The following EPM2A variants were observed in gnomAD, a reference collection of about 807,000 sequenced individuals.
The protein encoded by EPM2A is EPM2A glucan phosphatase, laforin.
In EPM2A, 21 loss-of-function variants were observed where a neutral mutation model predicts 26.5. The observed-to-expected ratio is 0.79, with a 90% confidence interval of 0.56 to 1.14. The LOEUF (loss-of-function observed/expected upper bound fraction) is 1.14. EPM2A is among the 50% of genes most tolerant of loss of function. The probability of loss-of-function intolerance (pLI) is 0.00; values close to 1 mark genes in which losing one functional copy is unlikely to be tolerated. For synonymous variants in EPM2A, 217 were observed against 177.6 expected, an observed-to-expected ratio of 1.22 and a Z score of -1.76; for missense variants, 458 against 440.8, an observed-to-expected ratio of 1.04 and a Z score of -0.35.
At chr6:145,478,413 A>C (rs1209470033) in intron 4 of EPM2A, among the ~76,000 whole-genome samples, 2 of 151,932 alleles carry the variant, frequency 1.3e-5, no homozygotes, top group Admixed American at 1.3e-4. Flanking sequence ...TCTTCAAATA[A>C]ATAGAAAAGA....
At chr6:145,509,890 G>T (rs1042632043) in intron 2 of EPM2A, among the ~76,000 whole-genome samples, 1 of 151,952 alleles carries the variant, frequency 6.6e-6, no homozygotes, top group Non-Finnish European at 1.5e-5. Flanking sequence ...GATGGAGAAA[G>T]GTCTATCATT....
intron 4 of EPM2A, among the ~76,000 whole-genome samples, chr6:145,449,647 T>C (rs1244895053): frequency 6.6e-6 from 1 of 152,230 alleles, no homozygotes; most frequent in African/African-American, 2.4e-5. Context: ...GAGCAGGTTT[T>C]TTCAGTTTGG....
At chr6:145,716,232 A>G (rs1460141414) in intron 1 of EPM2A, among the ~76,000 whole-genome samples, 1 of 152,230 alleles carries the variant, frequency 6.6e-6, no homozygotes, top group Non-Finnish European at 1.5e-5. Context: ...CCATAGGGAC[A>G]GAAGGCTAAG....
intron 2 of EPM2A, among the ~76,000 whole-genome samples, chr6:145,586,987 T>C (rs1043052160): frequency 6.6e-6 from 1 of 152,176 alleles, no homozygotes; most frequent in Non-Finnish European, 1.5e-5. Context: ...TCAATGACTG[T>C]TGTTAGATTT....
chr6:145,521,150 A>T (rs1408190341), intron 2 of EPM2A, among the ~76,000 whole-genome samples: 1 of 152,158 alleles, frequency 6.6e-6, no homozygotes. Context: ...TCATAATAAT[A>T]CACAAGAAAG....
At chr6:145,528,188 G>T (rs935678249) in intron 2 of EPM2A, among the ~76,000 whole-genome samples, 1 of 152,120 alleles carries the variant, frequency 6.6e-6, no homozygotes, top group Non-Finnish European at 1.5e-5. Context: ...AAAAGTGCAA[G>T]GTGAAGCAGC....
At chr6:145,406,062 A>G (rs1426962771) in intron 4 of EPM2A, among the ~76,000 whole-genome samples, 1 of 151,842 alleles carries the variant, frequency 6.6e-6, no homozygotes. Flanking sequence ...CTCTGTCTTT[A>G]TCTTTTTTAC....
Position 145,658,899 on chromosome 6 carries a change from G to C in EPM2A, c.477-23413C>G, listed in dbSNP as rs895553861. ...TGTGTTTGTAAATATTTGTTCCTTA[G>C]GCTTAGATACTTTTTCATATACCAA... On this transcript the variant is annotated intron_variant, in intron 2 of 3. Transcript: ENST00000367519. Among the ~76,000 whole-genome samples, 6 of 151,976 alleles carry C rather than the reference G, an allele frequency of 3.9e-5. No individual in the cohort carries two copies. In the South Asian group the frequency reaches 6.2e-4, roughly 16 times the overall value.
intron 4 of EPM2A, among the ~76,000 whole-genome samples, chr6:145,487,604 C>T (rs1201162828): frequency 6.6e-6 from 1 of 152,168 alleles, no homozygotes; most frequent in Non-Finnish European, 1.5e-5. Context: ...TGATGTTGAG[C>T]TTCTTTTAAT....
intron 1 of EPM2A, among the ~76,000 whole-genome samples, chr6:145,725,200 C>T (rs1197416821): frequency 6.6e-6 from 1 of 152,120 alleles, no homozygotes; most frequent in East Asian, 1.9e-4. Context: ...TGAAACAATG[C>T]TCAATATCAT....
At chr6:145,531,607 C>T (rs910492613) in intron 2 of EPM2A, among the ~76,000 whole-genome samples, 2 of 152,146 alleles carry the variant, frequency 1.3e-5, no homozygotes, top group Non-Finnish European at 2.9e-5. Context: ...TCCACACGCC[C>T]TCAGATCCTC....
intron 1 of EPM2A, among the ~76,000 whole-genome samples, chr6:145,703,912 A>T (rs754188636): frequency 1.1e-4 from 17 of 152,236 alleles, no homozygotes; most frequent in Non-Finnish European, 2.4e-4. Flanking sequence ...CTGTGTGATG[A>T]TCTTCTGATG....
At chr6:145,670,782 C>T (rs75837628) in intron 2 of EPM2A, 14 of 327,080 alleles carry the variant, frequency 4.3e-5, no homozygotes, top group Admixed American at 6.5e-5. Flanking sequence ...AAATATATTT[C>T]GAAAACATAA....
chr6:145,720,481 T>A (rs1484816832), intron 1 of EPM2A, among the ~76,000 whole-genome samples: 2 of 152,188 alleles, frequency 1.3e-5, no homozygotes, highest in Non-Finnish European at 2.9e-5. Flanking sequence ...CAGAATTATT[T>A]TTACCTCAGA....
intron 1 of EPM2A, among the ~76,000 whole-genome samples, chr6:145,698,346 G>A (rs1333709383): frequency 2.6e-5 from 4 of 152,122 alleles, no homozygotes; most frequent in Non-Finnish European, 5.9e-5. Flanking sequence ...GTAAGCTCAA[G>A]GCATGCAGAA....
chr6:145,638,743 AC>A (rs1776872627), intron 2 of EPM2A: 1 of 149,500 alleles, frequency 6.7e-6, no homozygotes, highest in African/African-American at 2.6e-5. Context: ...AGAGACAAAG[AC>A]TGGGCCTGTT....
intron 2 of EPM2A, among the ~76,000 whole-genome samples, chr6:145,642,387 C>A (rs1002462252): frequency 6.6e-6 from 1 of 152,032 alleles, no homozygotes. Flanking sequence ...AAATTAAATA[C>A]GTGACTTTTC....
At chr6:145,527,890 C>A (rs574410870) in intron 2 of EPM2A, among the ~76,000 whole-genome samples, 18 of 145,328 alleles carry the variant, frequency 1.2e-4, no homozygotes, top group Non-Finnish European at 1.8e-4. Context: ...GTTGTGAATG[C>A]AAAAAAAAAG....
intron 2 of EPM2A, among the ~76,000 whole-genome samples, chr6:145,677,440 A>G (rs1780141932): frequency 6.6e-6 from 1 of 152,214 alleles, no homozygotes. Context: ...CAGGACAATC[A>G]GGCAAGAGAA....
Sources: allele counts gnomAD v4.1 joint callset (sites outside exome capture counted in the v4.1 genomes callset), GRCh38; gene constraint gnomAD v4.1.1; transcripts MANE v1.5; gene names NCBI Gene and HGNC (gene_info 2026-07-23, HGNC 2026-07-21).